ARHGAP31: variants seen among roughly 807,000 people sequenced by gnomAD.
ARHGAP31 encodes Rho GTPase activating protein 31, also known as rho GTPase-activating protein 31.
A neutral mutation model predicts 113.9 loss-of-function variants in ARHGAP31; 34 were observed. That is an observed-to-expected ratio of 0.30 (90% CI 0.23 to 0.40). The LOEUF is 0.40. Ranked by LOEUF, ARHGAP31 falls within the 10% of genes least tolerant of loss-of-function variation. The probability of loss-of-function intolerance (pLI) is 1.00; values close to 1 mark genes in which losing one functional copy is unlikely to be tolerated. For missense variants in ARHGAP31, 1,548 were observed against 1,767.1 expected (o/e 0.88, Z 2.22); for synonymous variants, 650 against 684.8 (o/e 0.95, Z 0.79).
rs1450458014 is a variant in ARHGAP31, at chr3:119,418,526, C to T, written c.*2262C>T. ...TTGCTTCACCATCAGAACTCTGAGC[C>T]AAATAATGAATATGTAAACTATTTT... is the stretch of plus-strand genomic sequence containing the variant. On this transcript the variant is annotated 3_prime_UTR_variant, in exon 12 of 12. Transcript: ENST00000264245. 1 of 152,006 alleles carries T rather than the reference C, an allele frequency of 6.6e-6. No individual in the cohort carries two copies. The highest frequency in any genetic ancestry group is 1.5e-5 in the Non-Finnish European group (1 of 67,996). 9.4% of individuals were successfully genotyped at this position (152,006 alleles called of 1,614,324 possible).
rs563249624 is a variant in ARHGAP31 at position 119,418,996 on chromosome 3, T to G, written c.*2732T>G. The G allele has an allele frequency of 6.6e-6, 1 of 152,556 alleles. No individual in the cohort carries two copies. Among genetic ancestry groups the G allele is most frequent in the Admixed American group, 6.5e-5 (1 of 15,296 alleles). 9.5% of individuals were successfully genotyped at this position (152,556 alleles called of 1,614,324 possible). A position where few individuals can be genotyped will look rare whatever the true frequency, so the allele number is the denominator to read the frequency against. Reference sequence around the variant, plus strand: ...CCATTCTAAAGAAAGAAAACTCATATTCCTCCCCCCCACAAATTGTTCCCC... The same window carrying G: ...CCATTCTAAAGAAAGAAAACTCATAGTCCTCCCCCCCACAAATTGTTCCCC... On this transcript the variant is annotated 3_prime_UTR_variant, in exon 12 of 12. Transcript: ENST00000264245.
chr3:119,357,591 T>C (rs1211878062), intron 1 of ARHGAP31, among the ~76,000 whole-genome samples: 3 of 152,352 alleles, frequency 2.0e-5, no homozygotes, highest in Non-Finnish European at 4.4e-5. Flanking sequence ...AAGCCCATTC[T>C]ACCCAAAACA....
In ARHGAP31 at chr3:119,409,720, A is replaced by G; in HGVS notation, c.1870A>G (p.Ser624Gly). ...EGREAGEMES[S>G]TLQESPRARA... is the part of the protein sequence containing the mutation. Reference sequence around the variant, plus strand: ...ACGAGAGGCTGGTGAGATGGAGTCCAGCACCCTGCAGGAGAGCCCCAGGGC... The same window carrying G: ...ACGAGAGGCTGGTGAGATGGAGTCCGGCACCCTGCAGGAGAGCCCCAGGGC... Residue 624 changes from serine to glycine, a missense_variant, in exon 11 of 12, where the codon AGC (serine) becomes GGC (glycine). Ser to Gly is a moderately conservative substitution (Grantham distance 56). Coordinates refer to ENST00000264245, the MANE Select transcript of ARHGAP31 (RefSeq NM_020754.4). The G allele has an allele frequency of 1.2e-6, 2 of 1,609,368 alleles. No homozygotes were observed. Among genetic ancestry groups the G allele is most frequent in the Non-Finnish European group, 1.7e-6 (2 of 1,178,136 alleles).
In ARHGAP31 at chr3:119,415,033, C is replaced by T. The variant is rs201997376; in HGVS notation, c.3104C>T (p.Thr1035Ile). 1,082 of 1,614,062 alleles carry T rather than the reference C, an allele frequency of 6.7e-4. No homozygotes were observed. Among genetic ancestry groups the T allele is most frequent in the Non-Finnish European group, 8.7e-4 (1,021 of 1,180,038 alleles). The change falls in exon 12 of 12, where the codon ACC becomes ATC. Residue 1035 changes from threonine to isoleucine, a missense_variant. Thr to Ile is a moderately conservative substitution (Grantham distance 89). Coordinates refer to ENST00000264245, the MANE Select transcript of ARHGAP31 (RefSeq NM_020754.4). ...GGTGTGCAACCCAACCCAGCAGAAA[C>T]CAGCCCCATCAGCCTAGCAGAGGGA... ...PSGVQPNPAE[T>I]SPISLAEGKE...
In ARHGAP31 at chr3:119,352,798, A is replaced by G. The variant is rs973202256; in HGVS notation, c.101-12518A>G. ...TCAAGGTAGTGTTTTAGAAAGATTT[A>G]TCTGGAAGTAGAGATCAAGATAGAA... On this transcript the variant is annotated intron_variant, in intron 1 of 11. Transcript: ENST00000264245. Among the ~76,000 whole-genome samples the G allele has an allele frequency of 5.1e-4, 78 of 152,202 alleles. 3 individuals are homozygous for G.
At chr3:119,345,310 T>C (rs2080046889) in intron 1 of ARHGAP31, among the ~76,000 whole-genome samples, 1 of 152,102 alleles carries the variant, frequency 6.6e-6, no homozygotes, top group Non-Finnish European at 1.5e-5. Flanking sequence ...AAAAATTTTT[T>C]TAGAGATGTG....
chr3:119,393,681 T>C, intron 8 of ARHGAP31, 90 bp downstream of exon 8: 1 of 1,494,176 alleles, frequency 6.7e-7, no homozygotes, highest in Non-Finnish European at 9.2e-7. Flanking sequence ...TCAAACACAC[T>C]AGCTCTGAAA....
At chr3:119,315,577 TCTTAAGGCCTCG>T (rs1454971894) in intron 1 of ARHGAP31, among the ~76,000 whole-genome samples, 7 of 152,214 alleles carry the variant, frequency 4.6e-5, no homozygotes, top group Non-Finnish European at 7.3e-5. Context: ...CGCTGCCACC[TCTTAAGGCCTCG>T]CTAAGACATC....
intron 2 of ARHGAP31, among the ~76,000 whole-genome samples, chr3:119,367,560 A>G (rs1221654117): frequency 6.6e-6 from 1 of 152,110 alleles, no homozygotes; most frequent in Non-Finnish European, 1.5e-5. Flanking sequence ...GTTGAGCACC[A>G]AAAAGATAGT....
Position 119,390,895 on chromosome 3 carries a change from C to T in ARHGAP31, c.793C>T (p.Arg265Cys), listed in dbSNP as rs368670775. Residue 265 changes from arginine (R) to cysteine (C), a missense_variant, in exon 7 of 12, where the codon CGC becomes TGC. Physicochemically the swap from Arg to Cys is radical, Grantham distance 180 (BLOSUM62 -3). Transcript: ENST00000264245. ...ARSLATNHPA[R>C]KERRENSLPE... ...CAGCCTGGCCACTAACCATCCTGCTCGCAAGGAAAGGAGGGAGAACAGCCT... is the reference window on the plus strand; with the variant it reads ...CAGCCTGGCCACTAACCATCCTGCTTGCAAGGAAAGGAGGGAGAACAGCCT... 6.8e-5 allele frequency: 109 copies of T among 1,613,996 alleles called. 2 individuals are homozygous for T. In the South Asian group the frequency reaches 7.4e-4, roughly 11 times the overall value.
At chr3:119,359,638 C>G (rs557884385) in intron 1 of ARHGAP31, among the ~76,000 whole-genome samples, 6 of 151,770 alleles carry the variant, frequency 4.0e-5, no homozygotes, top group African/African-American at 1.5e-4. Context: ...TCGCAGAGGC[C>G]AGGGAGGAGC....
chr3:119,372,429 G>A (rs1274948697), intron 3 of ARHGAP31, among the ~76,000 whole-genome samples: 6 of 151,942 alleles, frequency 3.9e-5, no homozygotes, highest in East Asian at 1.9e-4. Context: ...GATTACAGGC[G>A]CTCGCCACCA....
chr3:119,317,402 T>C (rs144700454), intron 1 of ARHGAP31, among the ~76,000 whole-genome samples: 7,704 of 152,208 alleles, frequency 0.051, 260 homozygotes, highest in Non-Finnish European at 0.074. Flanking sequence ...ATGGTCTCGA[T>C]CTCCTGACCT....
rs566377629 is a variant in ARHGAP31, at chr3:119,394,078, T to A, written c.1006+487T>A. ...TTAGTAGAATATACCTCAGGGAGAGTTTGTCCAGTGTTTTCTCATGGTTAA... is the reference window on the plus strand; with the variant it reads ...TTAGTAGAATATACCTCAGGGAGAGATTGTCCAGTGTTTTCTCATGGTTAA... On this transcript the variant is annotated intron_variant, in intron 8 of 11. Transcript: ENST00000264245. Among the ~76,000 whole-genome samples, 80 of 152,154 alleles carry A rather than the reference T, an allele frequency of 5.3e-4. 1 individual carries two copies. Among genetic ancestry groups the A allele is most frequent in the African/African-American group, 1.9e-3 (78 of 41,510 alleles).
chr3:119,362,247 C>T (rs1257821245), intron 1 of ARHGAP31, among the ~76,000 whole-genome samples: 1 of 152,130 alleles, frequency 6.6e-6, no homozygotes, highest in Non-Finnish European at 1.5e-5. Flanking sequence ...CCACTTGTGC[C>T]CTGCACAGCA....
At chr3:119,350,333 G>A (rs902390586) in intron 1 of ARHGAP31, among the ~76,000 whole-genome samples, 28 of 152,346 alleles carry the variant, frequency 1.8e-4, no homozygotes, top group African/African-American at 6.5e-4. Flanking sequence ...GGATGCTGGT[G>A]TGGGGGCTGG....
chr3:119,377,164 T>G (rs2080355938), intron 3 of ARHGAP31, among the ~76,000 whole-genome samples: 1 of 152,224 alleles, frequency 6.6e-6, no homozygotes, highest in African/African-American at 2.4e-5. Flanking sequence ...TACATACATT[T>G]GGCAGGCACA....
chr3:119,419,487 C>A lies in ARHGAP31; in HGVS notation c.*3223C>A, dbSNP rs2080805209. ...AAAATGTAAATATCATCATCCTTAGCAAATATTTATTGGGAGCTTAGTAAT... is the reference window on the plus strand; with the variant it reads ...AAAATGTAAATATCATCATCCTTAGAAAATATTTATTGGGAGCTTAGTAAT... On this transcript the variant is annotated 3_prime_UTR_variant, in exon 12 of 12. Coordinates refer to ENST00000264245, the MANE Select transcript of ARHGAP31 (RefSeq NM_020754.4). The A allele has an allele frequency of 6.6e-6, 1 of 152,060 alleles. No individual in the cohort carries two copies. Among genetic ancestry groups the A allele is most frequent in the African/African-American group, 2.4e-5 (1 of 41,410 alleles). The allele number at this position is 152,060 out of a possible 1,614,324, so 9.4% of individuals were successfully genotyped here.
intron 4 of ARHGAP31, 124 bp from the exon 5 acceptor site, chr3:119,382,168 T>A: frequency 1.0e-6 from 1 of 1,004,592 alleles, no homozygotes; most frequent in Non-Finnish European, 1.6e-6. Context: ...ATCTTTCCAA[T>A]GTCAATTCAT....
Sources: gnomAD v4.1 joint callset for allele counts (sites outside exome capture counted in the v4.1 genomes callset) on GRCh38, gnomAD v4.1.1 for gene constraint, MANE v1.5 for transcripts, NCBI Gene and HGNC (gene_info 2026-07-23, HGNC 2026-07-21) for gene names.